MYT1L: variants seen among roughly 807,000 people sequenced by gnomAD.
The protein encoded by MYT1L is myelin transcription factor 1 like.
Under a neutral mutation model 126.7 loss-of-function variants are expected in MYT1L, and 12 were observed. The ratio of observed to expected loss-of-function variants is 0.09; its 90% CI spans 0.06 to 0.15. MYT1L has a LOEUF of 0.15. MYT1L is among the 10% of genes least tolerant of loss of function. The pLI is 1.00. For missense variants in MYT1L, 979 were observed against 1,585.2 expected (o/e 0.62, Z 6.49); for synonymous variants, 541 against 604.2 (o/e 0.90, Z 1.53).
rs138903447 is a variant in MYT1L, at chr2:2,300,789, A to G, written c.-520-16286T>C. 8.5e-4 allele frequency among the ~76,000 whole-genome samples: 130 copies of G among 152,322 alleles called. No individual in the cohort carries two copies. In the East Asian group the frequency reaches 0.023, roughly 26 times the overall value. The stretch of plus-strand genomic sequence containing the variant: ...CAAGCTTTCTTTGATTCACACACTC[A>G]CAGAGCCGCCTGGAGCTGGGCATCT... On this transcript the variant is annotated intron_variant, in intron 1 of 24. Coordinates refer to ENST00000647738, the MANE Select transcript of MYT1L (RefSeq NM_001303052.2).
At chr2:2,123,024 G>A (rs570772528) in intron 3 of MYT1L, among the ~76,000 whole-genome samples, 1 of 152,210 alleles carries the variant, frequency 6.6e-6, no homozygotes, top group African/African-American at 2.4e-5. Flanking sequence ...GAGAAGCCAG[G>A]AGATTGAGGG....
At chr2:1,891,935 C>T in intron 15 of MYT1L, 102 bp downstream of exon 15, 2 of 1,433,314 alleles carry the variant, frequency 1.4e-6, no homozygotes, top group Non-Finnish European at 1.8e-6. Context: ...ACGGCGTTTG[C>T]CCCATACAGC....
intron 18 of MYT1L, among the ~76,000 whole-genome samples, chr2:1,866,640 A>G (rs1178258903): frequency 3.6e-5 from 2 of 55,554 alleles, no homozygotes; most frequent in African/African-American, 1.1e-4. Flanking sequence ...AGAGGGAGGG[A>G]GAGAGAGAGA....
chr2:1,925,295 G>T (rs1303320380), intron 9 of MYT1L, among the ~76,000 whole-genome samples: 1 of 152,198 alleles, frequency 6.6e-6, no homozygotes, highest in Non-Finnish European at 1.5e-5. Flanking sequence ...GAAAAAGCCT[G>T]TCTAATCCTC....
chr2:1,840,964 T>C (rs1242830512), intron 19 of MYT1L, 121 bp from the exon 20 acceptor site: 27 of 667,090 alleles, frequency 4.0e-5, no homozygotes, highest in African/African-American at 7.9e-5. Flanking sequence ...AGTGCAGTGG[T>C]GTGATCTCGG....
At chr2:2,274,825 C>T (rs2095327055) in intron 2 of MYT1L, among the ~76,000 whole-genome samples, 1 of 152,122 alleles carries the variant, frequency 6.6e-6, no homozygotes, top group Non-Finnish European at 1.5e-5. Context: ...TGATGAAGGC[C>T]TCCCAGAGCA....
In MYT1L at chr2:2,158,651, G is replaced by A. The variant is rs919690010; in HGVS notation, c.-304+14221C>T. On this transcript the variant is annotated intron_variant, in intron 3 of 24. Coordinates refer to ENST00000647738, the MANE Select transcript of MYT1L (RefSeq NM_001303052.2). ...CACACACACACACACACACACACGC[G>A]TAGGTGGACACGGGTGCACACACTG... Among the ~76,000 whole-genome samples the A allele has an allele frequency of 5.0e-5, 7 of 139,220 alleles. No individual in the cohort carries two copies. The South Asian group carries it at 9.0e-4, about 18-fold the overall frequency. The allele number at this position is 139,220 out of a possible 152,430, so 91.3% of individuals were successfully genotyped here.
chr2:2,018,744 C>T (rs941192116), intron 4 of MYT1L, among the ~76,000 whole-genome samples: 2 of 152,136 alleles, frequency 1.3e-5, no homozygotes, highest in Admixed American at 6.5e-5. Context: ...TCCTGTTTCA[C>T]GCAGAGATCA....
intron 3 of MYT1L, among the ~76,000 whole-genome samples, chr2:2,102,199 T>C (rs1290019344): frequency 6.6e-6 from 1 of 152,316 alleles, no homozygotes; most frequent in East Asian, 1.9e-4. Context: ...AAATTATATA[T>C]GTTTTGGCAA....
rs186146609 is a variant in MYT1L, at chr2:1,830,915, A to G, written c.3080+8234T>C. ...GAGCTGCTCCCTCTGCACCTCCCGC[A>G]TGCACCTGCATGTCAATGGGGCTGG... is the stretch of plus-strand genomic sequence containing the variant. On this transcript the variant is annotated intron_variant, in intron 21 of 24. Coordinates refer to ENST00000647738, the MANE Select transcript of MYT1L (RefSeq NM_001303052.2). 3.8e-3 allele frequency among the ~76,000 whole-genome samples: 580 copies of G among 152,222 alleles called. 6 individuals are homozygous for G. The highest frequency in any genetic ancestry group is 0.014 in the African/African-American group (565 of 41,538).
intron 2 of MYT1L, among the ~76,000 whole-genome samples, chr2:2,266,899 C>A: frequency 6.6e-6 from 1 of 152,206 alleles, no homozygotes; most frequent in East Asian, 1.9e-4. Flanking sequence ...TGAGGCCTCC[C>A]ACGTGGAACT....
chr2:2,317,301 C>A (rs1272494299), intron 1 of MYT1L, among the ~76,000 whole-genome samples: 1 of 152,026 alleles, frequency 6.6e-6, no homozygotes, highest in Non-Finnish European at 1.5e-5. Context: ...AAACAAGGGG[C>A]CCGTCGGTGT....
At chr2:2,302,558 T>G (rs1156352961) in intron 1 of MYT1L, among the ~76,000 whole-genome samples, 1 of 152,182 alleles carries the variant, frequency 6.6e-6, no homozygotes, top group Non-Finnish European at 1.5e-5. Flanking sequence ...CCACTAAATA[T>G]GCTGATATAT....
chr2:1,851,754 T>C, intron 18 of MYT1L, 51 bp from the exon 19 acceptor site: 2 of 1,546,260 alleles, frequency 1.3e-6, no homozygotes, highest in South Asian at 1.1e-5. Flanking sequence ...TAAAGTTCCC[T>C]GAACAATTAA....
intron 3 of MYT1L, among the ~76,000 whole-genome samples, chr2:2,116,599 C>T (rs773879615): frequency 1.3e-5 from 2 of 152,262 alleles, no homozygotes; most frequent in Non-Finnish European, 2.9e-5. Context: ...AATCTCTGCC[C>T]GTCCTATGAC....
chr2:2,245,186 GA>G (rs2094510122), intron 2 of MYT1L, among the ~76,000 whole-genome samples: 3 of 152,156 alleles, frequency 2.0e-5, no homozygotes. Flanking sequence ...AAATAATCTT[GA>G]AAAACAGAGA....
intron 8 of MYT1L, among the ~76,000 whole-genome samples, chr2:1,966,294 T>C (rs2059350105): frequency 6.6e-6 from 1 of 152,252 alleles, no homozygotes; most frequent in South Asian, 2.1e-4. Context: ...CAGAATTTTC[T>C]AGCAAAGGCA....
At position 1,889,096 on chromosome 2, in the gene MYT1L, CTG is replaced by C. The variant is rs898084169; in HGVS notation, c.2520+143_2520+144del. On this transcript the variant is annotated intron_variant, in intron 16 of 24. Coordinates refer to ENST00000647738, the MANE Select transcript of MYT1L (RefSeq NM_001303052.2). This position sits in a 1 kb window ranked among gnomAD's most constrained non-coding sequence, Gnocchi z 4.1. Reference sequence around the variant, plus strand: ...CAAATCTCTTCTGGGTCAACAAAAACTGTTTTCTAAGTCCTCCTCAGCTAAAG... The same window carrying C: ...CAAATCTCTTCTGGGTCAACAAAAACTTTTCTAAGTCCTCCTCAGCTAAAG... 5.0e-6 allele frequency: 3 copies of C among 597,586 alleles called. No homozygotes were observed. In the African/African-American group the frequency reaches 5.6e-5, roughly 11 times the overall value. The allele number at this position is 597,586 out of a possible 1,614,324, so 37.0% of individuals were successfully genotyped here.
At chr2:2,072,819 T>C (rs1354803596) in intron 3 of MYT1L, among the ~76,000 whole-genome samples, 1 of 152,214 alleles carries the variant, frequency 6.6e-6, no homozygotes, top group Non-Finnish European at 1.5e-5. Flanking sequence ...AGCTGCTTGC[T>C]GCCCCTTTAC....
Sources: gnomAD v4.1 joint callset for allele counts (sites outside exome capture counted in the v4.1 genomes callset) on GRCh38, gnomAD v4.1.1 for gene constraint, Gnocchi (gnomAD v3.1) non-coding constraint, MANE v1.5 for transcripts, NCBI Gene and HGNC (gene_info 2026-07-23, HGNC 2026-07-21) for gene names.